Variants in PPCDC observed in about 807,000 individuals in gnomAD.
PPCDC encodes the protein phosphopantothenoylcysteine decarboxylase.
PPCDC carries 20 observed loss-of-function variants against 20.7 expected under a neutral mutation model. That is an observed-to-expected ratio of 0.97 (90% confidence interval 0.68 to 1.41). The LOEUF (loss-of-function observed/expected upper bound fraction) is 1.41, where lower values mean the gene tolerates loss of function less well. Among genes scored for constraint, PPCDC ranks in the 40% most tolerant of loss-of-function variants. The pLI is 0.00. For missense variants in PPCDC, 246 were observed against 263.8 expected, an observed-to-expected ratio of 0.93 and a Z score of 0.47; for synonymous variants, 88 against 100.3, an observed-to-expected ratio of 0.88 and a Z score of 0.73.
chr15:75,049,405 C>A lies in PPCDC; in HGVS notation c.*170C>A. ...TCCAGGTTAAACTGGACGGAAGGCC[C>A]AGGTCTCAGTTTCTTTCAACCAGGA... On this transcript the variant is annotated 3_prime_UTR_variant, in exon 6 of 6. Transcript: ENST00000342932. 1 of 641,928 alleles carries A rather than the reference C, an allele frequency of 1.6e-6. No homozygotes were observed. The allele number at this position is 641,928 out of a possible 1,614,324, so 39.8% of individuals were successfully genotyped here. A position where few individuals can be genotyped will look rare whatever the true frequency, so the allele number is the denominator to read the frequency against.
At chr15:75,032,514 TTA>T (rs1238257577) in intron 2 of PPCDC, among the ~76,000 whole-genome samples, 1 of 152,218 alleles carries the variant, frequency 6.6e-6, no homozygotes, top group African/African-American at 2.4e-5. Context: ...AGGATGTCCA[TTA>T]TAGCATTATT....
intron 3 of PPCDC, 139 bp from the exon 4 acceptor site, chr15:75,044,242 CAGCTT>C: frequency 2.5e-6 from 3 of 1,200,054 alleles, no homozygotes; most frequent in Non-Finnish European, 3.5e-6. Context: ...TAGCGCTCGC[CAGCTT>C]AGCTGCAGGA....
intron 4 of PPCDC, among the ~76,000 whole-genome samples, chr15:75,048,259 C>T (rs1187694188): frequency 6.6e-6 from 1 of 152,178 alleles, no homozygotes; most frequent in Non-Finnish European, 1.5e-5. Context: ...GTTGCTTTTC[C>T]CAGGAGGTGT....
At chr15:75,029,876 G>A (rs2066001323) in intron 2 of PPCDC, among the ~76,000 whole-genome samples, 1 of 152,172 alleles carries the variant, frequency 6.6e-6, no homozygotes, top group South Asian at 2.1e-4. Flanking sequence ...ATAGGGGCGG[G>A]GAGTCCTATC....
chr15:75,038,408 C>T (rs2066111253), intron 2 of PPCDC, among the ~76,000 whole-genome samples: 1 of 152,222 alleles, frequency 6.6e-6, no homozygotes, highest in Non-Finnish European at 1.5e-5. Context: ...GCTGAGCAAA[C>T]AGCAGACCAA....
chr15:75,045,439 C>T (rs2066219063), intron 4 of PPCDC, among the ~76,000 whole-genome samples: 1 of 152,198 alleles, frequency 6.6e-6, no homozygotes, highest in Non-Finnish European at 1.5e-5. Flanking sequence ...CTGTGGTAGA[C>T]ATCCAATAAA....
At chr15:75,033,429 T>C (rs1165263484) in intron 2 of PPCDC, among the ~76,000 whole-genome samples, 1 of 152,200 alleles carries the variant, frequency 6.6e-6, no homozygotes. Flanking sequence ...GGGGGACCAG[T>C]GGAGGAAGGG....
intron 2 of PPCDC, among the ~76,000 whole-genome samples, chr15:75,032,743 A>T (rs1157419275): frequency 9.9e-6 from 1 of 101,300 alleles, no homozygotes; most frequent in African/African-American, 3.7e-5. Context: ...CCCAAGGCCA[A>T]ATTCGGCTCT....
rs1243554541 is a variant in PPCDC, at chr15:75,023,623, G to A, written c.-76G>A. 2.0e-5 allele frequency: 3 copies of A among 152,352 alleles called. No individual in the cohort carries two copies. Among genetic ancestry groups the A allele is most frequent in the African/African-American group, 7.2e-5 (3 of 41,476 alleles). The allele number at this position is 152,352 out of a possible 1,614,324, so 9.4% of individuals were successfully genotyped here. ...GGAGCGGCCCCGAGACGCGCCTGGC[G>A]CGGGTGAGCAGTGGAAGGGGGCTGG... On this transcript the variant is annotated 5_prime_UTR_variant, in exon 1 of 6. Coordinates refer to ENST00000342932, the MANE Select transcript of PPCDC (RefSeq NM_021823.5).
chr15:75,043,206 C>T (rs1043131633), intron 2 of PPCDC: 4 of 461,084 alleles, frequency 8.7e-6, no homozygotes, highest in Admixed American at 4.2e-5. Context: ...ACTCATTCCT[C>T]AGCAGCCCCT....
intron 2 of PPCDC, among the ~76,000 whole-genome samples, chr15:75,029,597 G>A (rs1220538885): frequency 6.6e-6 from 1 of 152,060 alleles, no homozygotes; most frequent in Admixed American, 6.5e-5. Context: ...GCTGGGATAA[G>A]CCATGAAGCT....
intron 2 of PPCDC, 72 bp from the exon 3 acceptor site, chr15:75,043,369 T>G: frequency 5.9e-6 from 8 of 1,353,750 alleles, no homozygotes; most frequent in Non-Finnish European, 8.2e-6. Context: ...GACCCTCCTG[T>G]GGCCTCCAGG....
At chr15:75,035,963 CAAA>C (rs11306068) in intron 2 of PPCDC, among the ~76,000 whole-genome samples, 77 of 105,080 alleles carry the variant, frequency 7.3e-4, no homozygotes, top group Non-Finnish European at 7.8e-4. Context: ...GACTGTGTCT[CAAA>C]AAAAAAAAAA....
intron 2 of PPCDC, among the ~76,000 whole-genome samples, chr15:75,038,388 C>T (rs2066111175): frequency 6.6e-6 from 1 of 152,174 alleles, no homozygotes; most frequent in Admixed American, 6.5e-5. Flanking sequence ...CTCTCAGGAG[C>T]TCTCTGTAGG....
rs568674874 is a variant in PPCDC, at chr15:75,030,960, A to G, written c.135+2507A>G. 3.9e-5 allele frequency among the ~76,000 whole-genome samples: 6 copies of G among 152,314 alleles called. No individual in the cohort carries two copies. In the East Asian group the frequency reaches 1.2e-3, roughly 29 times the overall value. ...TTAGCCACAAGCCACACACACCAGC[A>G]GTCAGGGAGAGTAGTCACTAGCAGA... On this transcript the variant is annotated intron_variant, in intron 2 of 5. Coordinates refer to ENST00000342932, the MANE Select transcript of PPCDC (RefSeq NM_021823.5).
chr15:75,028,259 G>A lies in PPCDC; in HGVS notation c.-60G>A, dbSNP rs1253432931. The A allele has an allele frequency of 7.6e-6, 12 of 1,580,224 alleles. No homozygotes were observed. The highest frequency in any genetic ancestry group is 4.1e-5 in the Admixed American group (2 of 49,314). The stretch of plus-strand genomic sequence containing the variant: ...GTTCTCCTTTTAGATCCTAAATCCC[G>A]ACAGCTTTATAGAGCCCAGGCCTGG... On this transcript the variant is annotated 5_prime_UTR_variant, in exon 2 of 6. Transcript: ENST00000342932.
At chr15:75,034,302 T>A (rs1157053694) in intron 2 of PPCDC, among the ~76,000 whole-genome samples, 1 of 152,214 alleles carries the variant, frequency 6.6e-6, no homozygotes, top group Non-Finnish European at 1.5e-5. Flanking sequence ...TGGTGGAATT[T>A]GTGGATTCCT....
At chr15:75,041,327 G>C (rs2066150694) in intron 2 of PPCDC, among the ~76,000 whole-genome samples, 1 of 152,096 alleles carries the variant, frequency 6.6e-6, no homozygotes, top group South Asian at 2.1e-4. Flanking sequence ...TTCAGTGGGA[G>C]TTTGGTTTAA....
At chr15:75,032,606 A>G (rs1032313525) in intron 2 of PPCDC, among the ~76,000 whole-genome samples, 1 of 151,962 alleles carries the variant, frequency 6.6e-6, no homozygotes, top group African/African-American at 2.4e-5. Flanking sequence ...TTATGGGACA[A>G]TCTCTCAGTG....
Sources: gnomAD v4.1 joint callset for allele counts (sites outside exome capture counted in the v4.1 genomes callset) on GRCh38, gnomAD v4.1.1 for gene constraint, MANE v1.5 for transcripts, NCBI Gene and HGNC (gene_info 2026-07-23, HGNC 2026-07-21) for gene names.